Variants in LHFPL3 observed in about 807,000 individuals in gnomAD.
LHFPL3 encodes LHFPL tetraspan subfamily member 3 protein.
In LHFPL3, 5 loss-of-function variants were observed where a neutral mutation model predicts 19.3. That is an observed-to-expected ratio of 0.26 (90% CI 0.14 to 0.54). LHFPL3 has a LOEUF of 0.54. LHFPL3 is among the 20% of genes least tolerant of loss of function. The pLI, the probability that LHFPL3 is intolerant of heterozygous loss-of-function variation, is 0.94. For missense variants in LHFPL3, 249 were observed against 307.4 expected (o/e 0.81, Z 1.42); for synonymous variants, 133 against 126.2 (o/e 1.05, Z -0.36).
At chr7:104,859,640 G>A (rs931577171) in intron 2 of LHFPL3, among the ~76,000 whole-genome samples, 2 of 152,174 alleles carry the variant, frequency 1.3e-5, no homozygotes, top group Admixed American at 1.3e-4. Flanking sequence ...CCACACTCCA[G>A]CCTGGGTGAC....
At chr7:104,679,520 C>T (rs977308585) in intron 1 of LHFPL3, among the ~76,000 whole-genome samples, 1 of 152,196 alleles carries the variant, frequency 6.6e-6, no homozygotes, top group South Asian at 2.1e-4. Flanking sequence ...ATGTGTGGAA[C>T]GCTTTCAGTT....
At chr7:104,504,956 G>A (rs1233191007) in intron 1 of LHFPL3, among the ~76,000 whole-genome samples, 3 of 152,096 alleles carry the variant, frequency 2.0e-5, no homozygotes, top group Admixed American at 2.0e-4. Flanking sequence ...TTCAAGGATG[G>A]CAAACTCACA....
chr7:104,873,011 ATGTGT>A (rs1791866405), intron 2 of LHFPL3, among the ~76,000 whole-genome samples: 1 of 152,254 alleles, frequency 6.6e-6, no homozygotes, highest in African/African-American at 2.4e-5. Flanking sequence ...CAGGGAGGTA[ATGTGT>A]TGTGCTAAGA....
intron 1 of LHFPL3, among the ~76,000 whole-genome samples, chr7:104,590,005 ATTC>A (rs1349340628): frequency 1.3e-5 from 2 of 151,502 alleles, no homozygotes; most frequent in Non-Finnish European, 1.5e-5. Context: ...TCTCTCTTTT[ATTC>A]TTTAGTAGTC....
At chr7:104,734,759 G>A (rs962506934) in intron 1 of LHFPL3, among the ~76,000 whole-genome samples, 6 of 152,204 alleles carry the variant, frequency 3.9e-5, no homozygotes, top group African/African-American at 1.4e-4. Context: ...CGTTGCTGGT[G>A]AGGAGCTGCG....
chr7:104,652,376 T>G (rs148977768), intron 1 of LHFPL3, among the ~76,000 whole-genome samples: 2 of 152,208 alleles, frequency 1.3e-5, no homozygotes, highest in Non-Finnish European at 2.9e-5. Flanking sequence ...GGCAGCACCA[T>G]GGACACTTGG....
chr7:104,680,176 C>G (rs1360658742), intron 1 of LHFPL3, among the ~76,000 whole-genome samples: 1 of 152,162 alleles, frequency 6.6e-6, no homozygotes, highest in African/African-American at 2.4e-5. Flanking sequence ...GCTGCTCACC[C>G]GAAGATGGCT....
intron 1 of LHFPL3, among the ~76,000 whole-genome samples, chr7:104,378,340 A>G (rs1432028391): frequency 6.6e-6 from 1 of 152,232 alleles, no homozygotes; most frequent in Non-Finnish European, 1.5e-5. Context: ...CTTTTTTGGC[A>G]GAGCACGCTT....
At chr7:104,602,140 C>A (rs1373234167) in intron 1 of LHFPL3, among the ~76,000 whole-genome samples, 1 of 146,926 alleles carries the variant, frequency 6.8e-6, no homozygotes, top group African/African-American at 2.5e-5. Flanking sequence ...CCTGCCTCAG[C>A]CTCCCAAGTA....
chr7:104,334,646 G>A (rs1480727950), intron 1 of LHFPL3, among the ~76,000 whole-genome samples: 1 of 152,224 alleles, frequency 6.6e-6, no homozygotes, highest in African/African-American at 2.4e-5. Context: ...GTCACTAGTA[G>A]TGACCACACT....
intron 1 of LHFPL3, among the ~76,000 whole-genome samples, chr7:104,475,257 C>T (rs1358403778): frequency 2.6e-5 from 4 of 151,904 alleles, no homozygotes; most frequent in African/African-American, 4.8e-5. Flanking sequence ...GACAGAAAGT[C>T]AAAAAGATGT....
chr7:104,619,075 G>A (rs186697476), intron 1 of LHFPL3, among the ~76,000 whole-genome samples: 34 of 152,252 alleles, frequency 2.2e-4, no homozygotes, highest in Admixed American at 3.9e-4. Context: ...AGGAGTCAGC[G>A]GTGCTTCCTG....
intron 1 of LHFPL3, among the ~76,000 whole-genome samples, chr7:104,730,927 G>A (rs1269919314): frequency 1.3e-5 from 2 of 152,166 alleles, no homozygotes; most frequent in African/African-American, 4.8e-5. Context: ...TTTGTATAAG[G>A]TGTAAGGAAG....
At chr7:104,840,474 C>CTTTTTTTTTTTTTTT in intron 2 of LHFPL3, among the ~76,000 whole-genome samples, 1 of 65,540 alleles carries the variant, frequency 1.5e-5, no homozygotes, top group Non-Finnish European at 2.7e-5. Flanking sequence ...TTTTCTTTTC[C>CTTTTTTTTTTTTTTT]TTTTTTTTTT....
intron 1 of LHFPL3, among the ~76,000 whole-genome samples, chr7:104,718,519 A>G (rs866302658): frequency 2.6e-5 from 4 of 152,148 alleles, no homozygotes; most frequent in African/African-American, 9.7e-5. Flanking sequence ...GGCCTTGTCT[A>G]ATTTCAGCCT....
chr7:104,632,711 A>C (rs1242751925), intron 1 of LHFPL3, among the ~76,000 whole-genome samples: 2 of 152,230 alleles, frequency 1.3e-5, no homozygotes, highest in African/African-American at 4.8e-5. Context: ...GCTGGAGTGC[A>C]GTGGCAAGAT....
chr7:104,514,481 A>G (rs1223574420), intron 1 of LHFPL3, among the ~76,000 whole-genome samples: 1 of 152,184 alleles, frequency 6.6e-6, no homozygotes, highest in Non-Finnish European at 1.5e-5. Flanking sequence ...GACATATTGT[A>G]GGTGCTCAAT....
At chr7:104,618,826 C>T (rs905215574) in intron 1 of LHFPL3, among the ~76,000 whole-genome samples, 8 of 152,188 alleles carry the variant, frequency 5.3e-5, no homozygotes, top group African/African-American at 1.9e-4. Flanking sequence ...GTCCCACAGT[C>T]CCTTAATGGT....
intron 1 of LHFPL3, among the ~76,000 whole-genome samples, chr7:104,431,854 A>G (rs1792009072): frequency 6.6e-6 from 1 of 152,172 alleles, no homozygotes; most frequent in South Asian, 2.1e-4. Flanking sequence ...CCTCTGTCTT[A>G]GATTTCCCTA....
Sources: gnomAD v4.1 joint callset for allele counts (sites outside exome capture counted in the v4.1 genomes callset) on GRCh38, gnomAD v4.1.1 for gene constraint, MANE v1.5 for transcripts, NCBI Gene and HGNC (gene_info 2026-07-23, HGNC 2026-07-21) for gene names.